BAZ2B: variants seen among roughly 807,000 people sequenced by gnomAD.
BAZ2B encodes bromodomain adjacent to zinc finger domain protein 2B.
In BAZ2B, 91 loss-of-function variants were observed where a neutral mutation model predicts 246.0. The ratio of observed to expected loss-of-function variants is 0.37; its 90% CI spans 0.31 to 0.44. The LOEUF is 0.44. BAZ2B is among the 20% of genes least tolerant of loss of function. The pLI is 1.00. For missense variants in BAZ2B, 2,332 were observed against 2,533.7 expected, an observed-to-expected ratio of 0.92 and a Z score of 1.71; for synonymous variants, 855 against 860.0, an observed-to-expected ratio of 0.99 and a Z score of 0.10.
intron 1 of BAZ2B, among the ~76,000 whole-genome samples, chr2:159,590,187 C>CAA (rs552786270): frequency 4.9e-5 from 1 of 20,332 alleles, no homozygotes; most frequent in African/African-American, 2.5e-4. Flanking sequence ...GACTCCATCT[C>CAA]AAAAAAAAAA....
At chr2:159,580,047 T>C (rs1686357813) in intron 1 of BAZ2B, among the ~76,000 whole-genome samples, 1 of 152,142 alleles carries the variant, frequency 6.6e-6, no homozygotes, top group Admixed American at 6.6e-5. Context: ...CTATTCAACA[T>C]AGTGTTGGAA....
At chr2:159,356,600 T>C (rs574379994) in intron 27 of BAZ2B, among the ~76,000 whole-genome samples, 1 of 152,254 alleles carries the variant, frequency 6.6e-6, no homozygotes, top group Admixed American at 6.5e-5. Flanking sequence ...GAGCAGCAGA[T>C]CTCCCAGCAC....
At chr2:159,706,858 T>C in the BAZ2B span, among the ~76,000 whole-genome samples, 1 of 152,220 alleles carries the variant, frequency 6.6e-6, no homozygotes, top group Non-Finnish European at 1.5e-5. Flanking sequence ...CTACAATCTG[T>C]TGACTTTAAA....
chr2:159,477,966 G>T (rs1431153110), intron 3 of BAZ2B, among the ~76,000 whole-genome samples: 1 of 152,188 alleles, frequency 6.6e-6, no homozygotes, highest in African/African-American at 2.4e-5. Context: ...AGGATTACAG[G>T]CATGCGCCAC....
chr2:159,325,433 A>G (rs1037979068), intron 35 of BAZ2B, among the ~76,000 whole-genome samples: 16 of 151,570 alleles, frequency 1.1e-4, no homozygotes, highest in African/African-American at 2.9e-4. Flanking sequence ...GCCAGGCCCA[A>G]TTATAATCTT....
At chr2:159,459,914 C>T (rs1156731300) in intron 3 of BAZ2B, 4 of 151,936 alleles carry the variant, frequency 2.6e-5, no homozygotes, top group Non-Finnish European at 5.9e-5. Flanking sequence ...TGAATTATAC[C>T]ATAAAATAAT....
intron 33 of BAZ2B, among the ~76,000 whole-genome samples, chr2:159,333,267 CAT>C (rs139912249): frequency 2.4e-4 from 36 of 152,184 alleles, no homozygotes; most frequent in Non-Finnish European, 4.1e-4. Context: ...CCAAATCAAA[CAT>C]GTGTCACAAG....
intron 26 of BAZ2B, among the ~76,000 whole-genome samples, chr2:159,373,487 A>G (rs1350974354): frequency 6.6e-6 from 1 of 152,230 alleles, no homozygotes; most frequent in Non-Finnish European, 1.5e-5. Flanking sequence ...TATGGAGCCA[A>G]AGCAAACTGG....
At chr2:159,671,710 T>C in the BAZ2B span, among the ~76,000 whole-genome samples, 2 of 152,304 alleles carry the variant, frequency 1.3e-5, no homozygotes, top group African/African-American at 4.8e-5. Flanking sequence ...TAATCTGATA[T>C]ATTTATATAA....
intron 3 of BAZ2B, among the ~76,000 whole-genome samples, chr2:159,476,885 A>G (rs1264333168): frequency 6.6e-6 from 1 of 152,242 alleles, no homozygotes; most frequent in East Asian, 1.9e-4. Flanking sequence ...TGAGCACAGT[A>G]TATCATCAGA....
chr2:159,610,436 T>C (rs1270786746), intron 1 of BAZ2B, among the ~76,000 whole-genome samples: 1 of 152,206 alleles, frequency 6.6e-6, no homozygotes, highest in African/African-American at 2.4e-5. Context: ...TGAACCTCTC[T>C]GCCCTCAGCA....
At chr2:159,706,084 A>ACACACACACACACACACAC in the BAZ2B span, among the ~76,000 whole-genome samples, 13 of 149,660 alleles carry the variant, frequency 8.7e-5, no homozygotes, top group Non-Finnish European at 1.5e-5. Flanking sequence ...AAACATATAT[A>ACACACACACACACACACAC]ACACACACAC....
At chr2:159,663,942 T>TG in the BAZ2B span, among the ~76,000 whole-genome samples, 1 of 109,740 alleles carries the variant, frequency 9.1e-6, no homozygotes, top group Non-Finnish European at 1.9e-5. Flanking sequence ...TAGTTACATA[T>TG]GTATACATGT....
At chr2:159,324,371 T>C (rs1280577340) in intron 36 of BAZ2B, among the ~76,000 whole-genome samples, 1 of 152,140 alleles carries the variant, frequency 6.6e-6, no homozygotes, top group Non-Finnish European at 1.5e-5. Flanking sequence ...TATTTCTACA[T>C]TGTGATAATC....
chr2:159,698,533 A>AC, the BAZ2B span, among the ~76,000 whole-genome samples: 4 of 148,182 alleles, frequency 2.7e-5, no homozygotes, highest in African/African-American at 1.0e-4. Context: ...AAAAAACAAA[A>AC]AAAACAAAGA....
intron 2 of BAZ2B, among the ~76,000 whole-genome samples, chr2:159,511,420 G>T (rs1463376343): frequency 6.6e-6 from 1 of 152,056 alleles, no homozygotes; most frequent in Non-Finnish European, 1.5e-5. Context: ...TGGCAAGGCT[G>T]GTCTCAAACT....
At chr2:159,672,714 T>A in the BAZ2B span, among the ~76,000 whole-genome samples, 1 of 152,136 alleles carries the variant, frequency 6.6e-6, no homozygotes, top group Non-Finnish European at 1.5e-5. Flanking sequence ...CAAGTATAGA[T>A]TTAGAAATTT....
At chr2:159,462,094 A>ATAG in intron 3 of BAZ2B, 1 of 256,522 alleles carries the variant, frequency 3.9e-6, no homozygotes, top group South Asian at 4.9e-5. Context: ...CATGGCTAGG[A>ATAG]AACTTTTTTA....
intron 2 of BAZ2B, among the ~76,000 whole-genome samples, chr2:159,506,084 A>G (rs1458017115): frequency 6.6e-6 from 1 of 152,138 alleles, no homozygotes; most frequent in Non-Finnish European, 1.5e-5. Context: ...GCCCCTCCCA[A>G]AAATCTCTTA....
Sources: allele counts gnomAD v4.1 joint callset (sites outside exome capture counted in the v4.1 genomes callset), GRCh38; gene constraint gnomAD v4.1.1; transcripts MANE v1.5; gene names NCBI Gene and HGNC (gene_info 2026-07-23, HGNC 2026-07-21).